EPHB2: variants seen among roughly 807,000 people sequenced by gnomAD.
EPHB2 encodes ephrin type-B receptor 2.
In EPHB2, 18 loss-of-function variants were observed where a neutral mutation model predicts 96.4. That is an observed-to-expected ratio of 0.19 (90% confidence interval 0.13 to 0.28). The LOEUF (loss-of-function observed/expected upper bound fraction) is 0.28, where lower values mean the gene tolerates loss of function less well. Ranked by LOEUF, EPHB2 falls within the 10% of genes least tolerant of loss-of-function variation. The probability of loss-of-function intolerance (pLI) is 1.00; values close to 1 mark genes in which losing one functional copy is unlikely to be tolerated. For synonymous variants in EPHB2, 506 were observed against 534.1 expected (o/e 0.95, Z 0.72); for missense variants, 989 against 1,355.4 (o/e 0.73, Z 4.25).
At chr1:22,819,215 C>T (rs1043795710) in intron 3 of EPHB2, among the ~76,000 whole-genome samples, 61 of 142,502 alleles carry the variant, frequency 4.3e-4, no homozygotes, top group Admixed American at 9.0e-4. Flanking sequence ...GTCTCTCTCT[C>T]TCTCTCTCTC....
At chr1:22,853,113 G>C (rs1193633359) in intron 3 of EPHB2, among the ~76,000 whole-genome samples, 1 of 152,258 alleles carries the variant, frequency 6.6e-6, no homozygotes, top group Non-Finnish European at 1.5e-5. Context: ...CACTTTGGGA[G>C]GCCAAGGCGG....
intron 1 of EPHB2, among the ~76,000 whole-genome samples, chr1:22,778,064 C>T (rs886828659): frequency 3.9e-5 from 6 of 152,162 alleles, no homozygotes; most frequent in South Asian, 2.1e-4. Flanking sequence ...CTTGCTCTGT[C>T]GCCCAGGCTG....
Position 22,913,224 on chromosome 1 carries a change from C to G in EPHB2, c.2853-238C>G. The G allele has an allele frequency of 1.7e-6, 1 of 588,940 alleles. No homozygotes were observed. The highest frequency in any genetic ancestry group is 2.9e-5 in the East Asian group (1 of 35,072). The allele number at this position is 588,940 out of a possible 1,614,324, so 36.5% of individuals were successfully genotyped here. On this transcript the variant is annotated intron_variant, in intron 15 of 15. Coordinates refer to ENST00000374630, the MANE Select transcript of EPHB2 (RefSeq NM_017449.5). This position sits in a 1 kb window ranked among gnomAD's most constrained non-coding sequence, Gnocchi z 4.1. Reference sequence around the variant, plus strand: ...GAAAGAAAATGTAAGCTGGCTTCCCCCTCCCAATAGCAGGGGAGAGAAGGC... The same window carrying G: ...GAAAGAAAATGTAAGCTGGCTTCCCGCTCCCAATAGCAGGGGAGAGAAGGC...
intron 3 of EPHB2, among the ~76,000 whole-genome samples, chr1:22,815,198 G>A (rs1570327939): frequency 6.6e-6 from 1 of 152,150 alleles, no homozygotes; most frequent in African/African-American, 2.4e-5. Flanking sequence ...CTCTTCCTGG[G>A]TAAATGTGAG....
intron 3 of EPHB2, among the ~76,000 whole-genome samples, chr1:22,833,398 G>A (rs538065892): frequency 1.3e-5 from 2 of 152,294 alleles, no homozygotes; most frequent in South Asian, 2.1e-4. Context: ...GATTACAGGC[G>A]TGAGCCACCA....
intron 3 of EPHB2, among the ~76,000 whole-genome samples, chr1:22,834,370 C>T (rs1343116848): frequency 1.3e-5 from 2 of 152,102 alleles, no homozygotes; most frequent in Non-Finnish European, 2.9e-5. Flanking sequence ...TGTATGGTGG[C>T]CAAGGTGTTT....
intron 3 of EPHB2, among the ~76,000 whole-genome samples, chr1:22,853,073 G>A (rs965535481): frequency 1.6e-4 from 25 of 152,220 alleles, no homozygotes; most frequent in Non-Finnish European, 3.2e-4. Flanking sequence ...CCTTTCGGCC[G>A]GGCACGGTGG....
chr1:22,753,374 C>T (rs1644094620), intron 1 of EPHB2, among the ~76,000 whole-genome samples: 2 of 152,220 alleles, frequency 1.3e-5, no homozygotes, highest in Non-Finnish European at 2.9e-5. Context: ...GTGCTGGACA[C>T]TTAAATGATG....
In EPHB2 at chr1:22,811,345, C is replaced by T. The variant is rs78918883; in HGVS notation, c.811+26269C>T. 9.4e-4 allele frequency among the ~76,000 whole-genome samples: 143 copies of T among 152,262 alleles called. 3 individuals are homozygous for T. In the South Asian group the frequency reaches 0.018, roughly 20 times the overall value. The stretch of plus-strand genomic sequence containing the variant: ...GTTTAATTCCTCGGACCCTAATGAC[C>T]AGCAAGCACCACAGAGCAAGACAGC... On this transcript the variant is annotated intron_variant, in intron 3 of 15. Transcript: ENST00000374630.
intron 1 of EPHB2, among the ~76,000 whole-genome samples, chr1:22,764,903 GA>G (rs1192346056): frequency 6.6e-6 from 1 of 152,188 alleles, no homozygotes; most frequent in African/African-American, 2.4e-5. Context: ...AGAACTGCTT[GA>G]TGGGGTTTCA....
chr1:22,913,164 G>A lies in EPHB2; in HGVS notation c.2853-298G>A. On this transcript the variant is annotated intron_variant, in intron 15 of 15. Transcript: ENST00000374630. This position sits in a 1 kb window ranked among gnomAD's most constrained non-coding sequence, Gnocchi z 4.1. ...GCTGAGATCACGCCACTGCACACCA[G>A]CCTGGGTGACAGAGCGAGACTCTGT... is the stretch of plus-strand genomic sequence containing the variant. 1 of 460,164 alleles carries A rather than the reference G, an allele frequency of 2.2e-6. No homozygotes were observed. Among genetic ancestry groups the A allele is most frequent in the Non-Finnish European group, 4.0e-6 (1 of 248,092 alleles). 28.5% of individuals were successfully genotyped at this position (460,164 alleles called of 1,614,324 possible). A position where few individuals can be genotyped will look rare whatever the true frequency, so the allele number is the denominator to read the frequency against.
rs1477899730 is a variant in EPHB2, at chr1:22,713,862, C to T, written c.61+2819C>T. The stretch of plus-strand genomic sequence containing the variant: ...TATACGGGGGGTTTCTAGGTTAGGA[C>T]GGTAAGCTTAGCATCTCCCCCAAAC... On this transcript the variant is annotated intron_variant, in intron 1 of 15. Transcript: ENST00000374630. Among the ~76,000 whole-genome samples, 4 of 152,114 alleles carry T rather than the reference C, an allele frequency of 2.6e-5. No homozygotes were observed. In the East Asian group the frequency reaches 5.8e-4, roughly 22 times the overall value.
Position 22,728,601 on chromosome 1 carries a change from C to T in EPHB2, c.61+17558C>T, listed in dbSNP as rs568315266. Among the ~76,000 whole-genome samples, 4 of 152,328 alleles carry T rather than the reference C, an allele frequency of 2.6e-5. No individual in the cohort carries two copies. The East Asian group carries it at 7.7e-4, about 29-fold the overall frequency. On this transcript the variant is annotated intron_variant, in intron 1 of 15. Transcript: ENST00000374630. Reference sequence around the variant, plus strand: ...TGTCTCTTACCCTAATCCCCCCATTCCCCTTTTCTGGACTTCAGTTTTCCC... The same window carrying T: ...TGTCTCTTACCCTAATCCCCCCATTTCCCTTTTCTGGACTTCAGTTTTCCC...
intron 1 of EPHB2, among the ~76,000 whole-genome samples, chr1:22,716,508 A>C (rs1233640747): frequency 6.6e-6 from 1 of 151,870 alleles, no homozygotes; most frequent in Non-Finnish European, 1.5e-5. Context: ...ATTTTTTTGC[A>C]TTTTTAGTGG....
At chr1:22,801,558 C>T (rs927882657) in intron 3 of EPHB2, among the ~76,000 whole-genome samples, 5 of 152,072 alleles carry the variant, frequency 3.3e-5, no homozygotes, top group African/African-American at 7.2e-5. Flanking sequence ...ATTCCAAGAA[C>T]GCTTCCTCCA....
chr1:22,748,659 C>T (rs923790009), intron 1 of EPHB2, among the ~76,000 whole-genome samples: 20 of 151,600 alleles, frequency 1.3e-4, no homozygotes, highest in Non-Finnish European at 2.1e-4. Flanking sequence ...AGATTACAGG[C>T]GTGAGCCACT....
chr1:22,761,598 G>A (rs1174600799), intron 1 of EPHB2, among the ~76,000 whole-genome samples: 2 of 152,198 alleles, frequency 1.3e-5, no homozygotes, highest in African/African-American at 4.8e-5. Flanking sequence ...AATGGGGATA[G>A]GAAAGTCTCA....
intron 3 of EPHB2, among the ~76,000 whole-genome samples, chr1:22,849,326 T>A (rs1332561079): frequency 6.6e-6 from 1 of 152,192 alleles, no homozygotes; most frequent in Admixed American, 6.5e-5. Context: ...GTCCGTCTCC[T>A]TCGTGACCCA....
chr1:22,810,724 G>A (rs1644991230), intron 3 of EPHB2, among the ~76,000 whole-genome samples: 1 of 152,194 alleles, frequency 6.6e-6, no homozygotes, highest in African/African-American at 2.4e-5. Context: ...TTATCTTCCA[G>A]TCTCTCTGCC....
Sources: gnomAD v4.1 joint callset for allele counts (sites outside exome capture counted in the v4.1 genomes callset) on GRCh38, gnomAD v4.1.1 for gene constraint, Gnocchi (gnomAD v3.1) non-coding constraint, MANE v1.5 for transcripts, NCBI Gene and HGNC (gene_info 2026-07-23, HGNC 2026-07-21) for gene names.